NCKAP1: variants seen among roughly 807,000 people sequenced by gnomAD.
The protein encoded by NCKAP1 is nck-associated protein 1.
A neutral mutation model predicts 151.2 loss-of-function variants in NCKAP1; 21 were observed. That is an observed-to-expected ratio of 0.14 (90% confidence interval 0.10 to 0.20). The LOEUF is 0.20. Ranked by LOEUF, NCKAP1 falls within the 10% of genes least tolerant of loss-of-function variation. The probability of loss-of-function intolerance (pLI) is 1.00; values close to 1 mark genes in which losing one functional copy is unlikely to be tolerated. For synonymous variants in NCKAP1, 484 were observed against 451.8 expected (o/e 1.07, Z -0.90); for missense variants, 933 against 1,352.1 (o/e 0.69, Z 4.86).
At chr2:182,994,531 C>A (rs1363727539) in intron 8 of NCKAP1, among the ~76,000 whole-genome samples, 1 of 151,698 alleles carries the variant, frequency 6.6e-6, no homozygotes, top group Non-Finnish European at 1.5e-5. Flanking sequence ...CCCGGCTACT[C>A]GGGAGGCTGA....
intron 20 of NCKAP1, among the ~76,000 whole-genome samples, chr2:182,954,296 C>T (rs956350791): frequency 3.3e-5 from 5 of 152,024 alleles, no homozygotes; most frequent in Non-Finnish European, 7.4e-5. Flanking sequence ...AAACTGTATA[C>T]GACTAAAAAG....
At chr2:182,999,538 T>C (rs1261471097) in intron 6 of NCKAP1, among the ~76,000 whole-genome samples, 2 of 152,172 alleles carry the variant, frequency 1.3e-5, no homozygotes, top group East Asian at 3.8e-4. Context: ...AGGAAATGCT[T>C]ATACACTGTT....
chr2:182,966,448 G>A (rs997504788), intron 16 of NCKAP1, among the ~76,000 whole-genome samples: 2 of 151,958 alleles, frequency 1.3e-5, no homozygotes, highest in African/African-American at 2.4e-5. Context: ...CACCACGTCC[G>A]ACTAATTTTT....
chr2:182,942,839 TA>T (rs776485108), intron 23 of NCKAP1, among the ~76,000 whole-genome samples: 8 of 152,130 alleles, frequency 5.3e-5, no homozygotes, highest in Non-Finnish European at 1.0e-4. Context: ...CAAAGTAATT[TA>T]AAAATTATAA....
At chr2:182,958,284 G>A (rs984846209) in intron 18 of NCKAP1, among the ~76,000 whole-genome samples, 9 of 152,074 alleles carry the variant, frequency 5.9e-5, no homozygotes, top group African/African-American at 1.2e-4. Context: ...GACTACAGTC[G>A]ACTGCCACCA....
intron 16 of NCKAP1, 112 bp from the exon 17 acceptor site, chr2:182,964,920 T>C (rs1697532951): frequency 1.4e-6 from 1 of 709,924 alleles, no homozygotes; most frequent in Middle Eastern, 4.4e-4. Context: ...GTAGCACTGA[T>C]TTAAGAAGAG....
At chr2:182,940,164 G>C (rs1197189723) in intron 24 of NCKAP1, among the ~76,000 whole-genome samples, 1 of 151,966 alleles carries the variant, frequency 6.6e-6, no homozygotes, top group Non-Finnish European at 1.5e-5. Context: ...ACTGTTAGTA[G>C]GAAAGTAAAT....
intron 10 of NCKAP1, 66 bp downstream of exon 10, chr2:182,986,105 C>T: frequency 6.8e-7 from 1 of 1,463,362 alleles, no homozygotes; most frequent in Non-Finnish European, 9.5e-7. Context: ...GTACTCACTT[C>T]AACAAAATGA....
At chr2:183,014,184 T>C (rs1698640859) in intron 2 of NCKAP1, among the ~76,000 whole-genome samples, 1 of 152,178 alleles carries the variant, frequency 6.6e-6, no homozygotes, top group African/African-American at 2.4e-5. Context: ...GAACAGAACT[T>C]GGCTCATAGA....
Position 182,922,994 on chromosome 2 carries a change from C to G in NCKAP1, c.*2708G>C, listed in dbSNP as rs905179014. 4 of 152,146 alleles carry G rather than the reference C, an allele frequency of 2.6e-5. No homozygotes were observed. Among genetic ancestry groups the G allele is most frequent in the Non-Finnish European group, 5.9e-5 (4 of 68,056 alleles). 9.4% of individuals were successfully genotyped at this position (152,146 alleles called of 1,614,324 possible). A position where few individuals can be genotyped will look rare whatever the true frequency, so the allele number is the denominator to read the frequency against. Reference sequence around the variant, plus strand: ...AGGCCATTGCCCATTTCCTGGGCAACAAGAGTGAAACTCCGTCTCAAGAAG... The same window carrying G: ...AGGCCATTGCCCATTTCCTGGGCAAGAAGAGTGAAACTCCGTCTCAAGAAG... On this transcript the variant is annotated 3_prime_UTR_variant, in exon 31 of 31. Transcript: ENST00000361354.
chr2:182,987,138 A>T (rs2105859644), intron 9 of NCKAP1, among the ~76,000 whole-genome samples: 1 of 152,316 alleles, frequency 6.6e-6, no homozygotes, highest in East Asian at 1.9e-4. Context: ...ACTACTTGGG[A>T]GGCTGAGGCA....
At chr2:182,999,347 C>T (rs1047466170) in intron 6 of NCKAP1, among the ~76,000 whole-genome samples, 3 of 152,118 alleles carry the variant, frequency 2.0e-5, no homozygotes, top group African/African-American at 7.2e-5. Flanking sequence ...TCAATAAACA[C>T]TTCTCAAAAG....
rs576820199 is a variant in NCKAP1, at chr2:182,981,383, T to A, written c.1209-7A>T. 6.3e-7 allele frequency: 1 copy of A among 1,594,788 alleles called. No individual in the cohort carries two copies. Among genetic ancestry groups the A allele is most frequent in the Non-Finnish European group, 8.6e-7 (1 of 1,164,960 alleles). Reference sequence around the variant, plus strand: ...TATTAATTCAGCAATGTGCCTTTTTTAAAATTTCAAGAAAAATATTCAAAT... The same window carrying A: ...TATTAATTCAGCAATGTGCCTTTTTAAAAATTTCAAGAAAAATATTCAAAT... On this transcript the variant is annotated splice_polypyrimidine_tract_variant and splice_region_variant and intron_variant, in intron 12 of 30. Coordinates refer to ENST00000361354, the MANE Select transcript of NCKAP1 (RefSeq NM_013436.5).
rs916842164 is a variant in NCKAP1 at position 182,910,631 on chromosome 2, C to A, written c.*15071G>T. 6.6e-6 allele frequency: 1 copy of A among 152,224 alleles called. No homozygotes were observed. Among genetic ancestry groups the A allele is most frequent in the South Asian group, 2.1e-4 (1 of 4,830 alleles). 9.4% of individuals were successfully genotyped at this position (152,224 alleles called of 1,614,324 possible). A position where few individuals can be genotyped will look rare whatever the true frequency, so the allele number is the denominator to read the frequency against. ...CTGTGCTCTGCACTTCTGTGTACGT[C>A]GAACAAGACAATAGATGTGAAAGAG... On this transcript the variant is annotated 3_prime_UTR_variant, in exon 31 of 31. Transcript: ENST00000361354.
intron 23 of NCKAP1, among the ~76,000 whole-genome samples, chr2:182,948,048 C>G (rs1314024506): frequency 6.6e-6 from 1 of 151,974 alleles, no homozygotes; most frequent in Non-Finnish European, 1.5e-5. Flanking sequence ...TTATACAATT[C>G]CAGAAAATGG....
intron 15 of NCKAP1, among the ~76,000 whole-genome samples, chr2:182,976,462 A>G (rs1455956359): frequency 6.6e-6 from 1 of 152,232 alleles, no homozygotes; most frequent in Non-Finnish European, 1.5e-5. Context: ...GTGCTCTCAC[A>G]CTGCAATGGC....
At chr2:182,955,272 A>G (rs1697301571) in intron 20 of NCKAP1, among the ~76,000 whole-genome samples, 7 of 152,222 alleles carry the variant, frequency 4.6e-5, no homozygotes. Context: ...TGTTAAGCAT[A>G]TAGTGCAAAT....
At chr2:183,003,133 T>A (rs1698404610) in intron 3 of NCKAP1, 100 bp downstream of exon 3, 1 of 1,303,244 alleles carries the variant, frequency 7.7e-7, no homozygotes, top group Admixed American at 2.3e-5. Context: ...TCTGGAAGAA[T>A]TTCAATTTTA....
Position 182,995,809 on chromosome 2 carries a change from T to C in NCKAP1, c.633A>G (p.Gln211=). ...KSLSDALISL[Q]MVYPRRNLSA... ...AAAGATTCCTTCGAGGATATACCAT[T>C]TGAAGAGAAATTAGTGCATCTGAAA... The change falls in exon 7 of 31, where the codon CAA becomes CAG. Residue 211 remains glutamine, a synonymous_variant. Coordinates refer to ENST00000361354, the MANE Select transcript of NCKAP1 (RefSeq NM_013436.5). The C allele has an allele frequency of 6.2e-7, 1 of 1,611,948 alleles. No homozygotes were observed. The highest frequency in any genetic ancestry group is 1.1e-5 in the South Asian group (1 of 91,020).
Sources: allele counts gnomAD v4.1 joint callset (sites outside exome capture counted in the v4.1 genomes callset), GRCh38; gene constraint gnomAD v4.1.1; transcripts MANE v1.5; gene names NCBI Gene and HGNC (gene_info 2026-07-23, HGNC 2026-07-21).